Variants in CNTNAP2 observed in about 807,000 individuals in gnomAD.
CNTNAP2 encodes the protein contactin-associated protein-like 2.
A neutral mutation model predicts 155.2 loss-of-function variants in CNTNAP2; 98 were observed. The observed-to-expected ratio is 0.63, with a 90% CI of 0.54 to 0.75. The LOEUF (loss-of-function observed/expected upper bound fraction) is 0.75. Among genes scored for constraint, CNTNAP2 ranks in the 30% least tolerant of loss-of-function variants. The pLI, the probability that CNTNAP2 is intolerant of heterozygous loss-of-function variation, is 0.00. For synonymous variants in CNTNAP2, 651 were observed against 631.2 expected (o/e 1.03, Z -0.47); for missense variants, 1,727 against 1,688.1 (o/e 1.02, Z -0.40).
intron 13 of CNTNAP2, among the ~76,000 whole-genome samples, chr7:147,781,085 C>T (rs767166860): frequency 6.6e-6 from 1 of 152,120 alleles, no homozygotes; most frequent in Non-Finnish European, 1.5e-5. Flanking sequence ...CTATTGGTAA[C>T]TTATTAGTTG....
chr7:148,025,772 C>T (rs963013866), intron 15 of CNTNAP2, among the ~76,000 whole-genome samples: 1 of 152,062 alleles, frequency 6.6e-6, no homozygotes, highest in African/African-American at 2.4e-5. Flanking sequence ...GTGACCTCTC[C>T]CCAAATTCAT....
At chr7:146,226,359 T>A (rs536214513) in intron 1 of CNTNAP2, among the ~76,000 whole-genome samples, 113 of 152,096 alleles carry the variant, frequency 7.4e-4, no homozygotes, top group Admixed American at 1.6e-3. Flanking sequence ...TGCAAAATTT[T>A]AAAAAAAATT....
chr7:147,743,446 A>G (rs1796985365), intron 13 of CNTNAP2, among the ~76,000 whole-genome samples: 1 of 152,216 alleles, frequency 6.6e-6, no homozygotes, highest in Non-Finnish European at 1.5e-5. Context: ...CCCAAAGCAA[A>G]TTTGCTTTGT....
intron 10 of CNTNAP2, among the ~76,000 whole-genome samples, chr7:147,481,024 C>A (rs1352618592): frequency 6.6e-6 from 1 of 152,182 alleles, no homozygotes; most frequent in African/African-American, 2.4e-5. Context: ...CGGCACTGTT[C>A]ATTGCGCTTG....
chr7:147,731,038 T>C (rs1796730758), intron 13 of CNTNAP2, among the ~76,000 whole-genome samples: 1 of 152,104 alleles, frequency 6.6e-6, no homozygotes, highest in Non-Finnish European at 1.5e-5. Flanking sequence ...AAGAAAAATT[T>C]GAAGCTAGCA....
In CNTNAP2 at chr7:147,504,861, C is replaced by T. The variant is rs185481836; in HGVS notation, c.1777+18820C>T. Among the ~76,000 whole-genome samples, 1,223 of 150,316 alleles carry T rather than the reference C, an allele frequency of 8.1e-3. 16 individuals carry two copies. The highest frequency in any genetic ancestry group is 0.028 in the African/African-American group (1,141 of 40,912). On this transcript the variant is annotated intron_variant, in intron 11 of 23. Transcript: ENST00000361727. The stretch of plus-strand genomic sequence containing the variant: ...ATATGAATCAGAAAGACTCATTTTT[C>T]CAGGCATTTTGGGTTAGGGAAAATC...
chr7:148,149,170 CT>C (rs1805250736), intron 17 of CNTNAP2, among the ~76,000 whole-genome samples: 1 of 152,142 alleles, frequency 6.6e-6, no homozygotes, highest in Non-Finnish European at 1.5e-5. Flanking sequence ...GACCCTGCCC[CT>C]GGATATAGAA....
intron 3 of CNTNAP2, among the ~76,000 whole-genome samples, chr7:146,944,170 G>T (rs1797109417): frequency 6.7e-6 from 1 of 148,612 alleles, no homozygotes; most frequent in Non-Finnish European, 1.5e-5. Context: ...TTCCTGACAT[G>T]GCTATTTTTT....
At chr7:146,253,986 C>T (rs1799797549) in intron 1 of CNTNAP2, among the ~76,000 whole-genome samples, 1 of 152,052 alleles carries the variant, frequency 6.6e-6, no homozygotes, top group Admixed American at 6.6e-5. Flanking sequence ...TTCTTGAGCC[C>T]AGGAAGTCGA....
At chr7:148,139,713 G>A (rs1350277862) in intron 16 of CNTNAP2, among the ~76,000 whole-genome samples, 4 of 151,944 alleles carry the variant, frequency 2.6e-5, no homozygotes, top group Non-Finnish European at 5.9e-5. Flanking sequence ...CTAATTTTTT[G>A]TATTTCTAGT....
rs188164725 is a variant in CNTNAP2 at position 146,690,569 on chromosome 7, T to C, written c.98-83702T>C. Among the ~76,000 whole-genome samples the C allele has an allele frequency of 5.6e-3, 850 of 152,326 alleles. 8 individuals carry two copies. The highest frequency in any genetic ancestry group is 0.051 in the Middle Eastern group (15 of 294). On this transcript the variant is annotated intron_variant, in intron 1 of 23. Transcript: ENST00000361727. ...TTTTGTATATGTGAAAACTCTTTAA[T>C]GGCCTCATTTGCAAGTTGTTTTATG...
rs1282764673 is a variant in CNTNAP2, at chr7:146,245,109, C to T, written c.97+128136C>T. On this transcript the variant is annotated intron_variant, in intron 1 of 23. Transcript: ENST00000361727. ...ATAGCCTGCCTTTGCTTGTGTGTGGCGATTAGGCCTGGTGGAACTGCCATC... is the reference window on the plus strand; with the variant it reads ...ATAGCCTGCCTTTGCTTGTGTGTGGTGATTAGGCCTGGTGGAACTGCCATC... 8.6e-5 allele frequency among the ~76,000 whole-genome samples: 13 copies of T among 151,946 alleles called. No homozygotes were observed. In the East Asian group the frequency reaches 1.9e-3, roughly 23 times the overall value.
chr7:146,384,902 T>A (rs528212826), intron 1 of CNTNAP2, among the ~76,000 whole-genome samples: 3 of 152,314 alleles, frequency 2.0e-5, no homozygotes, highest in Non-Finnish European at 4.4e-5. Context: ...TTGAGCATAA[T>A]AATAATTGAG....
chr7:146,998,870 T>G (rs1798362061), intron 3 of CNTNAP2, among the ~76,000 whole-genome samples: 1 of 152,032 alleles, frequency 6.6e-6, no homozygotes, highest in Admixed American at 6.6e-5. Flanking sequence ...TCCCTCATTT[T>G]TAGTCCATAT....
intron 1 of CNTNAP2, among the ~76,000 whole-genome samples, chr7:146,337,301 TAAAAAA>T (rs11418259): frequency 7.4e-6 from 1 of 134,484 alleles, no homozygotes; most frequent in African/African-American, 2.6e-5. Context: ...TGTTCTAACA[TAAAAAA>T]AAAAAAACAA....
chr7:147,126,186 A>AT (rs904932688), intron 6 of CNTNAP2, among the ~76,000 whole-genome samples: 12 of 151,990 alleles, frequency 7.9e-5, no homozygotes, highest in Non-Finnish European at 1.6e-4. Context: ...GAAAAGCATT[A>AT]TTTTTTTTCC....
At chr7:147,629,730 A>G (rs1298399512) in intron 12 of CNTNAP2, among the ~76,000 whole-genome samples, 3 of 152,120 alleles carry the variant, frequency 2.0e-5, no homozygotes, top group Non-Finnish European at 4.4e-5. Context: ...CTTAATGATC[A>G]TTGAGTCAAC....
chr7:148,145,588 G>A (rs868480164), intron 16 of CNTNAP2, among the ~76,000 whole-genome samples: 3 of 152,108 alleles, frequency 2.0e-5, no homozygotes, highest in African/African-American at 4.8e-5. Flanking sequence ...AGGAACCCTC[G>A]TTCTCTTGCT....
At chr7:147,720,479 T>C (rs1179552452) in intron 13 of CNTNAP2, among the ~76,000 whole-genome samples, 1 of 152,114 alleles carries the variant, frequency 6.6e-6, no homozygotes, top group East Asian at 1.9e-4. Context: ...AGTTACAAAG[T>C]TTATCCTTTC....
Sources: allele counts gnomAD v4.1 joint callset (sites outside exome capture counted in the v4.1 genomes callset), GRCh38; gene constraint gnomAD v4.1.1; transcripts MANE v1.5; gene names NCBI Gene and HGNC (gene_info 2026-07-23, HGNC 2026-07-21).